ADAMTS16: variants seen among roughly 807,000 people sequenced by gnomAD.
ADAMTS16 encodes A disintegrin and metalloproteinase with thrombospondin motifs 16.
Under a neutral mutation model 145.8 loss-of-function variants are expected in ADAMTS16, and 94 were observed. That is an observed-to-expected ratio of 0.64 (90% confidence interval 0.55 to 0.77). The LOEUF is 0.77. ADAMTS16 is among the 30% of genes least tolerant of loss of function. The probability of loss-of-function intolerance (pLI) is 0.00; values close to 1 mark genes in which losing one functional copy is unlikely to be tolerated. For missense variants in ADAMTS16, 1,585 were observed against 1,591.5 expected, an observed-to-expected ratio of 1.00 and a Z score of 0.07; for synonymous variants, 659 against 604.3, an observed-to-expected ratio of 1.09 and a Z score of -1.33.
chr5:5,310,799 C>CTA lies in ADAMTS16; in HGVS notation c.3411+4072_3411+4073dup, dbSNP rs1740396111. ...AATAAATTTCTGTTATTTTGAGCCC[C>CTA]TAGTTTGTAGCAATTATTACAGCAG... On this transcript the variant is annotated intron_variant, in intron 21 of 22. Coordinates refer to ENST00000274181, the MANE Select transcript of ADAMTS16 (RefSeq NM_139056.4). This position sits in a 1 kb window ranked among gnomAD's most constrained non-coding sequence, Gnocchi z 4.3. Among the ~76,000 whole-genome samples, 12 of 152,284 alleles carry CTA rather than the reference C, an allele frequency of 7.9e-5. No individual in the cohort carries two copies. The South Asian group carries it at 2.5e-3, about 32-fold the overall frequency.
At chr5:5,177,767 A>G (rs887072677) in intron 3 of ADAMTS16, among the ~76,000 whole-genome samples, 1 of 152,194 alleles carries the variant, frequency 6.6e-6, no homozygotes, top group Non-Finnish European at 1.5e-5. Context: ...GAAAAGATGG[A>G]GGAGAGTAAA....
At chr5:5,235,904 C>T (rs1424845065) in intron 13 of ADAMTS16, among the ~76,000 whole-genome samples, 1 of 152,170 alleles carries the variant, frequency 6.6e-6, no homozygotes, top group Non-Finnish European at 1.5e-5. Context: ...TCAGTGCATA[C>T]AGTGTTTTCA....
chr5:5,263,265 C>T (rs1280165888), intron 18 of ADAMTS16, among the ~76,000 whole-genome samples: 2 of 152,192 alleles, frequency 1.3e-5, no homozygotes, highest in African/African-American at 4.8e-5. Context: ...ATCCACTCTA[C>T]CCTCACTGCT....
At chr5:5,231,230 A>G (rs1014526563) in intron 11 of ADAMTS16, among the ~76,000 whole-genome samples, 1 of 152,214 alleles carries the variant, frequency 6.6e-6, no homozygotes, top group Non-Finnish European at 1.5e-5. Flanking sequence ...TTTTGCTTAA[A>G]GAAAAGAAAT....
At chr5:5,290,469 A>G (rs888436308) in intron 18 of ADAMTS16, among the ~76,000 whole-genome samples, 1 of 152,154 alleles carries the variant, frequency 6.6e-6, no homozygotes, top group African/African-American at 2.4e-5. Flanking sequence ...AGCCTGACCA[A>G]CATGGTAAAA....
In ADAMTS16 at chr5:5,242,208, G is replaced by T. The variant is rs148209731; in HGVS notation, c.2662+17G>T. On this transcript the variant is annotated intron_variant, in intron 17 of 22. Transcript: ENST00000274181. ...GCGGAGGGGGTAGGTGCCTTCCAGT[G>T]CTGCTCCTGGAGGCAGCATGTCAGC... 69 of 1,612,260 alleles carry T rather than the reference G, an allele frequency of 4.3e-5. No homozygotes were observed. Among genetic ancestry groups the T allele is most frequent in the African/African-American group, 2.0e-4 (15 of 75,000 alleles).
At chr5:5,263,571 A>G (rs934348887) in intron 18 of ADAMTS16, among the ~76,000 whole-genome samples, 3 of 152,222 alleles carry the variant, frequency 2.0e-5, no homozygotes, top group African/African-American at 4.8e-5. Flanking sequence ...GCAAGTGAGT[A>G]CAGGATCCAG....
In ADAMTS16 at chr5:5,232,416, C is replaced by G. The variant is rs1216546164; in HGVS notation, c.1750C>G (p.Pro584Ala). ...CVKYGDEGPK[P>A]THGHWSDWSS... ...GAAATATGGTGATGAAGGCCCCAAGCCCACCCATGGCCACTGGTCGGACTG... is the reference window on the plus strand; with the variant it reads ...GAAATATGGTGATGAAGGCCCCAAGGCCACCCATGGCCACTGGTCGGACTG... The change falls in exon 12 of 23, where the codon CCC (proline) becomes GCC (alanine). Residue 584 changes from proline (P) to alanine (A), a missense_variant. Coordinates refer to ENST00000274181, the MANE Select transcript of ADAMTS16 (RefSeq NM_139056.4). 1 of 1,613,938 alleles carries G rather than the reference C, an allele frequency of 6.2e-7. No individual in the cohort carries two copies. The highest frequency in any genetic ancestry group is 1.3e-5 in the African/African-American group (1 of 74,944).
At chr5:5,307,205 C>T (rs552534165) in intron 21 of ADAMTS16, among the ~76,000 whole-genome samples, 3 of 152,070 alleles carry the variant, frequency 2.0e-5, no homozygotes, top group African/African-American at 7.2e-5. Flanking sequence ...CGTCTGTGCC[C>T]GCGCCTCCCA....
intron 18 of ADAMTS16, among the ~76,000 whole-genome samples, chr5:5,267,597 T>C (rs555539867): frequency 1.6e-4 from 25 of 152,278 alleles, no homozygotes; most frequent in African/African-American, 5.5e-4. Context: ...CCTCTGCCGA[T>C]GTGTTTCTCT....
intron 9 of ADAMTS16, among the ~76,000 whole-genome samples, chr5:5,204,495 C>A: frequency 6.6e-6 from 1 of 152,178 alleles, no homozygotes; most frequent in East Asian, 1.9e-4. Flanking sequence ...GGCTTCCGCT[C>A]TTCCCCAAAG....
chr5:5,208,514 G>T (rs1422600732), intron 9 of ADAMTS16, among the ~76,000 whole-genome samples: 2 of 152,158 alleles, frequency 1.3e-5, no homozygotes, highest in Non-Finnish European at 2.9e-5. Flanking sequence ...AATGATTTCA[G>T]CAAGGTTAAT....
chr5:5,140,580 C>T (rs962118937), intron 1 of ADAMTS16, 41 bp downstream of exon 1: 1 of 1,508,574 alleles, frequency 6.6e-7, no homozygotes, highest in African/African-American at 1.4e-5. Flanking sequence ...AACCGCGGGT[C>T]CGGACAGCTG....
chr5:5,215,717 G>GTATATATATATATATATATATATGTGGTA (rs56041596), intron 10 of ADAMTS16, among the ~76,000 whole-genome samples: 2 of 133,942 alleles, frequency 1.5e-5, no homozygotes, highest in African/African-American at 5.8e-5. Flanking sequence ...TATATATGTG[G>GTATATATATATATATATATATATGTGGTA]TATATATATA....
rs540362003 is a variant in ADAMTS16, at chr5:5,153,274, A to T, written c.501+6819A>T. 6.9e-4 allele frequency among the ~76,000 whole-genome samples: 105 copies of T among 152,380 alleles called. 1 individual carries two copies. The highest frequency in any genetic ancestry group is 3.4e-3 in the Middle Eastern group (1 of 294). On this transcript the variant is annotated intron_variant, in intron 3 of 22. Coordinates refer to ENST00000274181, the MANE Select transcript of ADAMTS16 (RefSeq NM_139056.4). Reference sequence around the variant, plus strand: ...TTGCAGTGTGTAAATATTAAAGCACATATGTGTACTTTATTCCATAATTAT... The same window carrying T: ...TTGCAGTGTGTAAATATTAAAGCACTTATGTGTACTTTATTCCATAATTAT...
chr5:5,245,530 A>C (rs1737416210), intron 17 of ADAMTS16, among the ~76,000 whole-genome samples: 1 of 151,944 alleles, frequency 6.6e-6, no homozygotes, highest in African/African-American at 2.4e-5. Context: ...ACTTGCATAG[A>C]CCTCCTGATG....
chr5:5,264,760 C>T (rs914177389), intron 18 of ADAMTS16, among the ~76,000 whole-genome samples: 1 of 147,366 alleles, frequency 6.8e-6, no homozygotes, highest in African/African-American at 2.5e-5. Flanking sequence ...AACCACCACT[C>T]CCCACAATCT....
At position 5,311,324 on chromosome 5, in the gene ADAMTS16, AAC is replaced by A. The variant is rs1473993318; in HGVS notation, c.3411+4598_3411+4599del. 1.3e-3 allele frequency among the ~76,000 whole-genome samples: 196 copies of A among 150,556 alleles called. 3 individuals are homozygous for A. The highest frequency in any genetic ancestry group is 1.7e-3 in the African/African-American group (70 of 40,714). On this transcript the variant is annotated intron_variant, in intron 21 of 22. Transcript: ENST00000274181. ...GCAAAAAAAAAAAAAAAAACAAAAA[AAC>A]AAAAAAACATTCTTATTGTTTTATC...
intron 9 of ADAMTS16, among the ~76,000 whole-genome samples, chr5:5,203,695 G>A (rs1430220886): frequency 1.3e-5 from 2 of 152,050 alleles, no homozygotes; most frequent in Non-Finnish European, 2.9e-5. Context: ...CTGTGACTTA[G>A]GGAAATTTTA....
Sources: gnomAD v4.1 joint callset for allele counts (sites outside exome capture counted in the v4.1 genomes callset) on GRCh38, gnomAD v4.1.1 for gene constraint, Gnocchi (gnomAD v3.1) non-coding constraint, MANE v1.5 for transcripts, NCBI Gene and HGNC (gene_info 2026-07-23, HGNC 2026-07-21) for gene names.